NCALD: variants seen among roughly 807,000 people sequenced by gnomAD.
NCALD encodes neurocalcin-delta.
A neutral mutation model predicts 18.6 loss-of-function variants in NCALD; 10 were observed. The ratio of observed to expected loss-of-function variants is 0.54; its 90% CI spans 0.33 to 0.91. The LOEUF (loss-of-function observed/expected upper bound fraction) is 0.91. NCALD is among the 40% of genes least tolerant of loss of function. The probability of loss-of-function intolerance (pLI) is 0.03; values close to 1 mark genes in which losing one functional copy is unlikely to be tolerated. For synonymous variants in NCALD, 88 were observed against 87.4 expected (o/e 1.01, Z -0.04); for missense variants, 184 against 247.6 (o/e 0.74, Z 1.72).
chr8:101,977,362 G>A (rs1161275813), intron 2 of NCALD, among the ~76,000 whole-genome samples: 2 of 152,126 alleles, frequency 1.3e-5, no homozygotes, highest in Admixed American at 6.5e-5. Context: ...GGATACCTCT[G>A]CTGAAAAGTT....
chr8:102,021,197 A>G lies in NCALD; in HGVS notation c.-209-908T>C, dbSNP rs1008249557. Among the ~76,000 whole-genome samples the G allele has an allele frequency of 2.6e-5, 4 of 152,202 alleles. No homozygotes were observed. The South Asian group carries it at 6.2e-4, about 24-fold the overall frequency. ...CTGGATCCTCAATGCCTAGACCAGGACTGGTCTCACAGAAGAAGTTTAATA... is the reference window on the plus strand; with the variant it reads ...CTGGATCCTCAATGCCTAGACCAGGGCTGGTCTCACAGAAGAAGTTTAATA... On this transcript the variant is annotated intron_variant, in intron 1 of 6. Coordinates refer to the NCALD transcript ENST00000311028.
intron 2 of NCALD, among the ~76,000 whole-genome samples, chr8:101,938,485 C>T (rs1462288174): frequency 6.6e-6 from 1 of 152,136 alleles, no homozygotes; most frequent in Admixed American, 6.5e-5. Context: ...TCTACAGAGT[C>T]TAGTAACAGT....
intron 1 of NCALD, among the ~76,000 whole-genome samples, chr8:101,786,415 C>A (rs1233174953): frequency 6.6e-6 from 1 of 152,130 alleles, no homozygotes; most frequent in African/African-American, 2.4e-5. Flanking sequence ...AGTGACTGTG[C>A]TGCACATGAT....
intron 2 of NCALD, among the ~76,000 whole-genome samples, chr8:101,962,755 C>T (rs1819879245): frequency 6.6e-6 from 1 of 152,058 alleles, no homozygotes; most frequent in Admixed American, 6.6e-5. Context: ...TAAACTTAGT[C>T]CATATTAATT....
rs111794667 is a variant in NCALD, at chr8:101,989,805, A to G, written c.-157+30432T>C. ...TGTAAGTGCCCACCTCACTTTAAAG[A>G]GATCTGGTCCTAGGCCCTCTCGTTC... is the stretch of plus-strand genomic sequence containing the variant. On this transcript the variant is annotated intron_variant, in intron 2 of 6. Coordinates refer to the NCALD transcript ENST00000311028. Among the ~76,000 whole-genome samples the G allele has an allele frequency of 4.4e-3, 673 of 152,336 alleles. 2 individuals are homozygous for G. The highest frequency in any genetic ancestry group is 0.014 in the African/African-American group (596 of 41,572).
At chr8:101,785,272 C>T (rs567195726) in intron 1 of NCALD, among the ~76,000 whole-genome samples, 10 of 152,252 alleles carry the variant, frequency 6.6e-5, no homozygotes, top group South Asian at 2.1e-4. Flanking sequence ...CCTGCCTCCT[C>T]GGGGGATGGT....
intron 1 of NCALD, among the ~76,000 whole-genome samples, chr8:101,723,297 C>T (rs945812852): frequency 9.2e-5 from 14 of 152,054 alleles, no homozygotes; most frequent in Admixed American, 6.6e-5. Flanking sequence ...ATTTCACCGT[C>T]GCCATTTACA....
intron 3 of NCALD, among the ~76,000 whole-genome samples, chr8:101,892,827 G>C (rs1399645040): frequency 6.7e-6 from 1 of 149,420 alleles, no homozygotes; most frequent in Non-Finnish European, 1.5e-5. Context: ...AGAATACAAA[G>C]AAATAAGCAA....
chr8:101,756,483 G>A (rs2130805069), intron 1 of NCALD, among the ~76,000 whole-genome samples: 1 of 152,350 alleles, frequency 6.6e-6, no homozygotes, highest in East Asian at 1.9e-4. Context: ...GTGTGGCAGT[G>A]AAAAGCAAGT....
At chr8:101,902,277 T>C (rs1817458510) in intron 3 of NCALD, among the ~76,000 whole-genome samples, 2 of 117,406 alleles carry the variant, frequency 1.7e-5, no homozygotes, top group African/African-American at 1.1e-4. Flanking sequence ...ACTGAGTTTT[T>C]TTTTTTTTTT....
intron 1 of NCALD, among the ~76,000 whole-genome samples, chr8:102,079,708 T>G (rs1824463500): frequency 6.6e-6 from 1 of 152,246 alleles, no homozygotes; most frequent in African/African-American, 2.4e-5. Flanking sequence ...ACAGTCCTTT[T>G]CTCACGCACC....
At chr8:101,741,254 CA>C (rs1810171951) in intron 1 of NCALD, among the ~76,000 whole-genome samples, 1 of 152,288 alleles carries the variant, frequency 6.6e-6, no homozygotes, top group Admixed American at 6.5e-5. Flanking sequence ...AAAGAAATTG[CA>C]AAGAAAATTA....
At chr8:102,077,072 G>C (rs188505908) in intron 1 of NCALD, among the ~76,000 whole-genome samples, 59 of 152,194 alleles carry the variant, frequency 3.9e-4, no homozygotes, top group African/African-American at 1.4e-3. Context: ...TCAACAGCTA[G>C]TCACATAACT....
chr8:101,733,546 G>A (rs1405448182), intron 1 of NCALD, among the ~76,000 whole-genome samples: 7 of 143,472 alleles, frequency 4.9e-5, no homozygotes, highest in Non-Finnish European at 7.7e-5. Flanking sequence ...CATCATGGCC[G>A]GCATCTAGCA....
intron 2 of NCALD, among the ~76,000 whole-genome samples, chr8:101,700,981 C>T (rs983153833): frequency 1.3e-5 from 2 of 152,162 alleles, no homozygotes; most frequent in Admixed American, 1.3e-4. Context: ...ATGACTCTTT[C>T]GTGACACTCA....
rs139719380 is a variant in NCALD, at chr8:101,825,464, A to G, written c.-20+61677T>C. ...TCCAGTTAGATCTGGCCTGCCTTGG[A>G]ATGTGGGTAAATGGAGAGTGAGATC... On this transcript the variant is annotated intron_variant, in intron 4 of 6. Coordinates refer to the NCALD transcript ENST00000311028. Among the ~76,000 whole-genome samples, 1,327 of 152,290 alleles carry G rather than the reference A, an allele frequency of 8.7e-3. 13 individuals are homozygous for G. Among genetic ancestry groups the G allele is most frequent in the Non-Finnish European group, 0.013 (889 of 68,018 alleles).
intron 4 of NCALD, among the ~76,000 whole-genome samples, chr8:101,870,904 C>CA (rs1482414179): frequency 5.3e-4 from 44 of 82,782 alleles, no homozygotes; most frequent in African/African-American, 1.8e-3. Flanking sequence ...CCCACCCCCC[C>CA]CCCCCAAAAA....
chr8:101,759,047 C>T (rs568877498), intron 1 of NCALD, among the ~76,000 whole-genome samples: 41 of 152,272 alleles, frequency 2.7e-4, no homozygotes, highest in Non-Finnish European at 4.4e-4. Flanking sequence ...TTTATAGGAA[C>T]CTGGCATTGT....
intron 4 of NCALD, among the ~76,000 whole-genome samples, chr8:101,835,274 T>A (rs1814365007): frequency 6.6e-6 from 1 of 152,260 alleles, no homozygotes; most frequent in South Asian, 2.1e-4. Context: ...CCTTCCATCA[T>A]ATGGCTCTGC....
Sources: allele counts gnomAD v4.1 joint callset (sites outside exome capture counted in the v4.1 genomes callset), GRCh38; gene constraint gnomAD v4.1.1; transcripts MANE v1.5; gene names NCBI Gene and HGNC (gene_info 2026-07-23, HGNC 2026-07-21).